The following HTR2C variants were observed in gnomAD, a reference collection of about 807,000 sequenced individuals.
HTR2C encodes the protein 5-hydroxytryptamine (serotonin) receptor 2C, G protein-coupled.
Under a neutral mutation model 21.0 loss-of-function variants are expected in HTR2C, and 5 were observed. The observed-to-expected ratio is 0.24, with a 90% CI of 0.12 to 0.50. The LOEUF is 0.50. HTR2C is among the 20% of genes least tolerant of loss of function. HTR2C has a pLI of 0.98. For synonymous variants in HTR2C, 150 were observed against 145.3 expected, an observed-to-expected ratio of 1.03 and a Z score of -0.23; for missense variants, 271 against 371.2, an observed-to-expected ratio of 0.73 and a Z score of 2.22.
At chrX:114,602,538 C>T (rs1161352279) in intron 1 of HTR2C, among the ~76,000 whole-genome samples, 16 of 74,234 alleles carry the variant, frequency 2.2e-4, no homozygotes, top group South Asian at 1.4e-3. Context: ...TTCTTGAAGA[C>T]GGAGGACCAT....
At position 114,907,303 on chromosome X, in the gene HTR2C, C is replaced by T. The variant is rs199843722; in HGVS notation, c.1265C>T (p.Pro422Leu). 5 of 1,208,306 alleles carry T rather than the reference C, an allele frequency of 4.1e-6. No homozygotes were observed. In the East Asian group the frequency reaches 1.2e-4, roughly 29 times the overall value. ...AACATTTATCGGCATACCAATGAAC[C>T]GGTGATCGAGAAAGCCAGTGACAAT... Reference protein sequence around the residue: ...NVNIYRHTNEPVIEKASDNEP... With the variant: ...NVNIYRHTNELVIEKASDNEP... Residue 422 changes from proline (P) to leucine (L), a missense_variant, in exon 6 of 6, where the codon CCG becomes CTG. Transcript: ENST00000276198.
chrX:114,784,780 C>T (rs112792357), intron 4 of HTR2C, among the ~76,000 whole-genome samples: 1 of 109,813 alleles, frequency 9.1e-6, no homozygotes, highest in Non-Finnish European at 1.9e-5. Flanking sequence ...CCACCGCGCC[C>T]GGCTAATTTT....
chrX:114,705,538 A>G (rs1164062022), intron 2 of HTR2C, among the ~76,000 whole-genome samples: 1 of 108,575 alleles, frequency 9.2e-6, no homozygotes, highest in Non-Finnish European at 1.9e-5. Flanking sequence ...TCTTCCTTAC[A>G]CCTTATACAA....
chrX:114,711,772 T>C (rs1223296250), intron 2 of HTR2C, among the ~76,000 whole-genome samples: 1 of 112,203 alleles, frequency 8.9e-6, no homozygotes, highest in Admixed American at 9.5e-5. Context: ...TTCTGTAATA[T>C]GCATTTCTGT....
At chrX:114,721,694 A>G (rs1277372400) in intron 2 of HTR2C, among the ~76,000 whole-genome samples, 1 of 109,363 alleles carries the variant, frequency 9.1e-6, no homozygotes, top group African/African-American at 3.3e-5. Context: ...TGATTTTTGT[A>G]TAAGGTGTAA....
chrX:114,809,532 C>T (rs1477514431), intron 4 of HTR2C, among the ~76,000 whole-genome samples: 4 of 109,600 alleles, frequency 3.6e-5, no homozygotes, highest in South Asian at 4.0e-4. Flanking sequence ...TACAGGCGCC[C>T]GCCACCACGC....
rs199814557 is a variant in HTR2C at position 114,726,853 on chromosome X, C to G, written c.-79-5C>G. On this transcript the variant is annotated splice_polypyrimidine_tract_variant and splice_region_variant and intron_variant, in intron 2 of 5. Transcript: ENST00000276198. ...ATTTTCTCTTTCTTCTTTTTCTCTC[C>G]CCAGAAAGGATGATATGATGAACCT... is the stretch of plus-strand genomic sequence containing the variant. 1.7e-6 allele frequency: 1 copy of G among 582,914 alleles called. No individual in the cohort carries two copies. Among genetic ancestry groups the G allele is most frequent in the South Asian group, 3.0e-5 (1 of 33,667 alleles). 48.0% of individuals were successfully genotyped at this position (582,914 alleles called of 1,213,427 possible). A position where few individuals can be genotyped will look rare whatever the true frequency, so the allele number is the denominator to read the frequency against.
intron 4 of HTR2C, among the ~76,000 whole-genome samples, chrX:114,829,919 A>AT (rs1569497767): frequency 9.0e-6 from 1 of 110,917 alleles, no homozygotes; most frequent in East Asian, 2.8e-4. Flanking sequence ...GAGTCCTAAA[A>AT]TTTTTTTCTC....
chrX:114,782,085 A>G (rs1428217185), intron 4 of HTR2C, among the ~76,000 whole-genome samples: 1 of 104,125 alleles, frequency 9.6e-6, no homozygotes, highest in Admixed American at 1.1e-4. Flanking sequence ...ACAAAAATGC[A>G]TATTACTCAA....
chrX:114,906,798 G>A lies in HTR2C; in HGVS notation c.760G>A (p.Glu254Lys). 8.3e-7 allele frequency: 1 copy of A among 1,211,060 alleles called. No individual in the cohort carries two copies. Among genetic ancestry groups the A allele is most frequent in the Non-Finnish European group, 1.1e-6 (1 of 895,315 alleles). Residue 254 changes from glutamate (E) to lysine (K), a missense_variant, in exon 6 of 6, where the codon GAG becomes AAG. Around this residue, in one of 5 missense-constraint regions of HTR2C, gnomAD observed 192 missense variants for 247.2 expected, o/e 0.78. Transcript: ENST00000276198. Reference protein sequence around the residue: ...QALMLLHGHTEEPPGLSLDFL... With the variant: ...QALMLLHGHTKEPPGLSLDFL... ...TTTGATGTTACTGCACGGCCACACCGAGGAACCGCCTGGACTAAGTCTGGA... is the reference window on the plus strand; with the variant it reads ...TTTGATGTTACTGCACGGCCACACCAAGGAACCGCCTGGACTAAGTCTGGA...
At chrX:114,854,556 A>C (rs1283626755) in intron 5 of HTR2C, among the ~76,000 whole-genome samples, 1 of 110,695 alleles carries the variant, frequency 9.0e-6, no homozygotes, top group Non-Finnish European at 1.9e-5. Context: ...CATCCCTCTC[A>C]CCATATACAA....
intron 2 of HTR2C, among the ~76,000 whole-genome samples, chrX:114,649,371 G>T (rs1930471629): frequency 9.0e-6 from 1 of 111,181 alleles, no homozygotes; most frequent in African/African-American, 3.3e-5. Flanking sequence ...TAATTATTTT[G>T]ATAATTCCCA....
At chrX:114,736,701 G>A (rs1172528174) in intron 4 of HTR2C, among the ~76,000 whole-genome samples, 5 of 111,629 alleles carry the variant, frequency 4.5e-5, no homozygotes, top group Non-Finnish European at 5.6e-5. Context: ...CACTCTTATC[G>A]TAGAAAGTAT....
At position 114,731,303 on chromosome X, in the gene HTR2C, A is replaced by G; in HGVS notation, c.45A>G (p.Leu15=). The change falls in exon 4 of 6, where the codon CTA becomes CTG. Residue 15 remains leucine, a synonymous_variant. Transcript: ENST00000276198. ...TTTTCTTAATTTTCAGTGTGCACCT[A>G]ATTGGCCTATTGGTTTGGCAATCTG... ...RNAVHSFLVH[L]IGLLVWQSDI... is the part of the protein sequence containing the mutation. The G allele has an allele frequency of 2.0e-5, 24 of 1,190,064 alleles. No homozygotes were observed. The highest frequency in any genetic ancestry group is 2.6e-5 in the Non-Finnish European group (23 of 880,562).
chrX:114,846,915 A>G (rs2070878102), intron 4 of HTR2C, among the ~76,000 whole-genome samples: 1 of 112,268 alleles, frequency 8.9e-6, no homozygotes. Flanking sequence ...AAGAGTCAAC[A>G]CAAAACATAG....
intron 2 of HTR2C, among the ~76,000 whole-genome samples, chrX:114,656,950 C>G (rs191122459): frequency 9.0e-6 from 1 of 110,582 alleles, no homozygotes; most frequent in East Asian, 2.8e-4. Flanking sequence ...CTTGGCAAAG[C>G]AAATGTATAA....
At chrX:114,744,233 A>C (rs1029609705) in intron 4 of HTR2C, among the ~76,000 whole-genome samples, 1 of 109,841 alleles carries the variant, frequency 9.1e-6, no homozygotes, top group Non-Finnish European at 1.9e-5. Flanking sequence ...GATGTAGCTA[A>C]AGTAGTGCTT....
At chrX:114,765,737 A>G (rs782455222) in intron 4 of HTR2C, among the ~76,000 whole-genome samples, 5 of 111,990 alleles carry the variant, frequency 4.5e-5, no homozygotes, top group Admixed American at 1.9e-4. Flanking sequence ...CCATAATACT[A>G]ATAGTTAATA....
At chrX:114,655,330 T>C (rs981018315) in intron 2 of HTR2C, among the ~76,000 whole-genome samples, 3 of 111,531 alleles carry the variant, frequency 2.7e-5, no homozygotes, top group South Asian at 3.7e-4. Context: ...CTGTTTTAAA[T>C]GGTCTGGTAA....
Sources: gnomAD v4.1 joint callset for allele counts (sites outside exome capture counted in the v4.1 genomes callset) on GRCh38, gnomAD v4.1.1 for gene constraint, gnomAD v4.1.1 regional missense constraint, MANE v1.5 for transcripts, NCBI Gene and HGNC (gene_info 2026-07-23, HGNC 2026-07-21) for gene names.